The following LCLAT1 variants were observed in gnomAD, a reference collection of about 807,000 sequenced individuals.
The protein encoded by LCLAT1 is lysocardiolipin acyltransferase 1.
A neutral mutation model predicts 30.7 loss-of-function variants in LCLAT1; 11 were observed. That is an observed-to-expected ratio of 0.36 (90% CI 0.23 to 0.59). The LOEUF is 0.59. Ranked by LOEUF, LCLAT1 falls within the 20% of genes least tolerant of loss-of-function variation. The pLI, the probability that LCLAT1 is intolerant of heterozygous loss-of-function variation, is 0.77. For missense variants in LCLAT1, 402 were observed against 458.6 expected (o/e 0.88, Z 1.13); for synonymous variants, 155 against 151.3 (o/e 1.02, Z -0.18).
chr2:30,605,743 C>T (rs1408098968), intron 5 of LCLAT1, among the ~76,000 whole-genome samples: 1 of 152,062 alleles, frequency 6.6e-6, no homozygotes, highest in Non-Finnish European at 1.5e-5. Flanking sequence ...GAATCTAGCA[C>T]CTAATAGAGA....
At chr2:30,616,395 AGT>A (rs1304537420) in intron 5 of LCLAT1, among the ~76,000 whole-genome samples, 1 of 152,132 alleles carries the variant, frequency 6.6e-6, no homozygotes, top group Non-Finnish European at 1.5e-5. Flanking sequence ...AGGGTGCAAG[AGT>A]GTGTGTATGT....
At chr2:30,627,800 A>G (rs1042448616) in intron 5 of LCLAT1, among the ~76,000 whole-genome samples, 1 of 151,994 alleles carries the variant, frequency 6.6e-6, no homozygotes, top group African/African-American at 2.4e-5. Context: ...GATAAAGTCA[A>G]GCCATTCCTA....
At chr2:30,474,105 T>C (rs551772983) in intron 1 of LCLAT1, among the ~76,000 whole-genome samples, 27 of 152,374 alleles carry the variant, frequency 1.8e-4, no homozygotes, top group Non-Finnish European at 3.4e-4. Context: ...GCAAATGTTA[T>C]ACCTGTTTCA....
intron 4 of LCLAT1, among the ~76,000 whole-genome samples, chr2:30,562,642 A>T (rs1665288211): frequency 6.6e-6 from 1 of 152,212 alleles, no homozygotes; most frequent in African/African-American, 2.4e-5. Context: ...AAGCGGTCAT[A>T]TTATTCATAC....
At chr2:30,612,312 T>C (rs1057150966) in intron 5 of LCLAT1, among the ~76,000 whole-genome samples, 3 of 152,184 alleles carry the variant, frequency 2.0e-5, no homozygotes, top group Non-Finnish European at 4.4e-5. Flanking sequence ...AGAGTATTTA[T>C]ATCACGGTTT....
chr2:30,622,309 T>G (rs2148517655), intron 5 of LCLAT1, among the ~76,000 whole-genome samples: 1 of 152,324 alleles, frequency 6.6e-6, no homozygotes, highest in East Asian at 1.9e-4. Context: ...CTTGATGGTC[T>G]TTCTCTGAGA....
intron 1 of LCLAT1, among the ~76,000 whole-genome samples, chr2:30,482,818 G>A (rs1683383918): frequency 6.6e-6 from 1 of 151,288 alleles, no homozygotes. Context: ...CTAAGGACAA[G>A]CAGTTTGGAT....
At chr2:30,556,303 C>T (rs901904324) in intron 3 of LCLAT1, among the ~76,000 whole-genome samples, 12 of 152,100 alleles carry the variant, frequency 7.9e-5, no homozygotes, top group African/African-American at 2.7e-4. Flanking sequence ...TATCATAAAA[C>T]ATTCTTCTTG....
At chr2:30,516,389 A>G (rs1190064229) in intron 1 of LCLAT1, among the ~76,000 whole-genome samples, 4 of 152,174 alleles carry the variant, frequency 2.6e-5, no homozygotes, top group Non-Finnish European at 2.9e-5. Context: ...TGGATCCGGC[A>G]AGGTGTCTGC....
At chr2:30,468,123 G>A (rs1451776949) in intron 1 of LCLAT1, among the ~76,000 whole-genome samples, 2 of 152,334 alleles carry the variant, frequency 1.3e-5, no homozygotes, top group East Asian at 3.9e-4. Context: ...TGTATAAGGT[G>A]TAAGGAAGAG....
intron 5 of LCLAT1, among the ~76,000 whole-genome samples, chr2:30,625,502 C>T (rs1288438327): frequency 6.6e-6 from 1 of 152,164 alleles, no homozygotes; most frequent in Non-Finnish European, 1.5e-5. Context: ...CAGCTTGCCC[C>T]CTACCTCACT....
chr2:30,470,314 C>CA, intron 1 of LCLAT1, among the ~76,000 whole-genome samples: 1 of 152,170 alleles, frequency 6.6e-6, no homozygotes, highest in East Asian at 1.9e-4. Context: ...TAAGTAATTA[C>CA]AAAAAAGACA....
At chr2:30,497,239 A>C (rs1006867456) in intron 1 of LCLAT1, among the ~76,000 whole-genome samples, 4 of 152,184 alleles carry the variant, frequency 2.6e-5, no homozygotes, top group African/African-American at 9.7e-5. Context: ...CTTTCATCCC[A>C]CTAACTCATT....
chr2:30,508,439 A>AT (rs1425910482), intron 1 of LCLAT1, among the ~76,000 whole-genome samples: 3 of 152,010 alleles, frequency 2.0e-5, no homozygotes, highest in East Asian at 1.9e-4. Flanking sequence ...TCTTGAGATG[A>AT]TTTTTTGTAT....
Position 30,517,582 on chromosome 2 carries a change from A to G in LCLAT1, c.-4-8005A>G, listed in dbSNP as rs150459652. 7.6e-3 allele frequency among the ~76,000 whole-genome samples: 1,160 copies of G among 152,342 alleles called. 16 individuals are homozygous for G. Among genetic ancestry groups the G allele is most frequent in the Middle Eastern group, 0.014 (4 of 294 alleles). The stretch of plus-strand genomic sequence containing the variant: ...AACTGGGTCTACAACAACATAATAG[A>G]TCAGGATGAAAGCAAATTGAATAAA... On this transcript the variant is annotated intron_variant, in intron 1 of 5. Coordinates refer to ENST00000379509, the MANE Select transcript of LCLAT1 (RefSeq NM_001002257.3).
chr2:30,611,012 A>G (rs1221281103), intron 5 of LCLAT1, among the ~76,000 whole-genome samples: 1 of 147,918 alleles, frequency 6.8e-6, no homozygotes, highest in Non-Finnish European at 1.5e-5. Context: ...TTCTTCCTTG[A>G]TCATCTTTCC....
intron 5 of LCLAT1, among the ~76,000 whole-genome samples, chr2:30,625,768 C>G (rs777671480): frequency 2.6e-5 from 4 of 152,114 alleles, no homozygotes; most frequent in Non-Finnish European, 5.9e-5. Flanking sequence ...CTCTGTAGCT[C>G]CTGTTCTTAA....
intron 5 of LCLAT1, among the ~76,000 whole-genome samples, chr2:30,599,472 A>G (rs1443557792): frequency 6.6e-6 from 1 of 152,200 alleles, no homozygotes; most frequent in Non-Finnish European, 1.5e-5. Flanking sequence ...AGTTCTGTAG[A>G]TATCTATCAG....
At chr2:30,457,499 C>CTT (rs1681890726) in intron 1 of LCLAT1, among the ~76,000 whole-genome samples, 2 of 152,188 alleles carry the variant, frequency 1.3e-5, no homozygotes, top group Admixed American at 1.3e-4. Flanking sequence ...TATTCTTGCC[C>CTT]TTTTACATGC....
Sources: gnomAD v4.1 joint callset for allele counts (sites outside exome capture counted in the v4.1 genomes callset) on GRCh38, gnomAD v4.1.1 for gene constraint, MANE v1.5 for transcripts, NCBI Gene and HGNC (gene_info 2026-07-23, HGNC 2026-07-21) for gene names.